The following MTCL3 variants were observed in gnomAD, a reference collection of about 807,000 sequenced individuals.
MTCL3 encodes microtubule cross-linking factor 3.
At chr6:127,509,906 CAT>C in the MTCL3 span, among the ~76,000 whole-genome samples, 1 of 152,290 alleles carries the variant, frequency 6.6e-6, no homozygotes, top group Non-Finnish European at 1.5e-5. Context: ...GATTTCTAAA[CAT>C]ATTGTTAAAC....
At chr6:127,516,015 G>A in the MTCL3 span, 1 of 1,584,226 alleles carries the variant, frequency 6.3e-7, no homozygotes. Flanking sequence ...GAGCGCGTAC[G>A]CCTTTCCCTC....
chr6:127,492,438 A>C, the MTCL3 span, among the ~76,000 whole-genome samples: 4 of 152,346 alleles, frequency 2.6e-5, no homozygotes, highest in African/African-American at 9.6e-5. Context: ...AGAGTTGAGA[A>C]GGTTATCAAA....
chr6:127,496,667 C>G, the MTCL3 span, among the ~76,000 whole-genome samples: 1 of 152,148 alleles, frequency 6.6e-6, no homozygotes, highest in Non-Finnish European at 1.5e-5. Context: ...TTGGAAACAA[C>G]CCAAAATTCC....
the MTCL3 span, among the ~76,000 whole-genome samples, chr6:127,511,631 C>T: frequency 6.6e-6 from 1 of 152,190 alleles, no homozygotes; most frequent in Non-Finnish European, 1.5e-5. Context: ...ATAGATCACA[C>T]AGCTCCCAGT....
At chr6:127,515,496 T>C in the MTCL3 span, 1 of 1,406,800 alleles carries the variant, frequency 7.1e-7, no homozygotes, top group Non-Finnish European at 9.2e-7. The surrounding 1 kb of genome is among the most constrained non-coding windows in gnomAD (Gnocchi z 4.3). Flanking sequence ...CCCAGCCGGG[T>C]CCCCCCACCC....
the MTCL3 span, chr6:127,516,601 G>C: frequency 6.3e-7 from 1 of 1,596,674 alleles, no homozygotes. Flanking sequence ...GCCCCCGATT[G>C]GTGGCTGACT....
At chr6:127,498,831 T>A in the MTCL3 span, among the ~76,000 whole-genome samples, 2 of 152,152 alleles carry the variant, frequency 1.3e-5, no homozygotes, top group Non-Finnish European at 2.9e-5. Context: ...AGGTTACATA[T>A]TTTATTATTG....
chr6:127,491,510 A>T, the MTCL3 span, among the ~76,000 whole-genome samples: 1 of 152,324 alleles, frequency 6.6e-6, no homozygotes, highest in Middle Eastern at 3.4e-3. Flanking sequence ...CTTTTTTTAG[A>T]TACCATGTTA....
the MTCL3 span, chr6:127,476,288 G>A: frequency 1.2e-6 from 2 of 1,614,170 alleles, no homozygotes; most frequent in Non-Finnish European, 1.7e-6. The surrounding 1 kb of genome is among the most constrained non-coding windows in gnomAD (Gnocchi z 4.4). Context: ...CTAGTGCTGG[G>A]AGGGCCTCCG....
chr6:127,474,468 G>A, the MTCL3 span, among the ~76,000 whole-genome samples: 2 of 152,014 alleles, frequency 1.3e-5, no homozygotes, highest in Admixed American at 1.3e-4. Context: ...TAGTATACAC[G>A]GGTTTCGCCA....
the MTCL3 span, chr6:127,516,637 A>G: frequency 3.8e-6 from 6 of 1,589,214 alleles, no homozygotes; most frequent in South Asian, 5.6e-5. Flanking sequence ...ACCAGATGCG[A>G]TTTGGAAGAG....
chr6:127,515,457 T>C, the MTCL3 span: 1 of 1,391,894 alleles, frequency 7.2e-7, no homozygotes, highest in Non-Finnish European at 9.4e-7. This position sits in a 1 kb window ranked among gnomAD's most constrained non-coding sequence, Gnocchi z 4.3. Flanking sequence ...GTACACGCCC[T>C]AATCCTCCCA....
At chr6:127,491,438 T>G in the MTCL3 span, among the ~76,000 whole-genome samples, 4 of 152,230 alleles carry the variant, frequency 2.6e-5, no homozygotes, top group African/African-American at 9.6e-5. Flanking sequence ...GATGACTTGT[T>G]GAAGGCTAAG....
chr6:127,516,596 C>G, the MTCL3 span: 3 of 1,596,656 alleles, frequency 1.9e-6, no homozygotes, highest in Non-Finnish European at 2.5e-6. Flanking sequence ...GCAGCGCCCC[C>G]GATTGGTGGC....
chr6:127,475,650 G>T, the MTCL3 span: 2 of 1,594,660 alleles, frequency 1.3e-6, no homozygotes, highest in Non-Finnish European at 1.7e-6. This position sits in a 1 kb window ranked among gnomAD's most constrained non-coding sequence, Gnocchi z 7.3. Flanking sequence ...GAGTGGGCGT[G>T]AGGCAGCGGA....
chr6:127,474,925 A>G, the MTCL3 span, among the ~76,000 whole-genome samples: 2 of 152,178 alleles, frequency 1.3e-5, no homozygotes, highest in Non-Finnish European at 2.9e-5. Context: ...CCTATCCAGG[A>G]CCATCTTGCA....
At chr6:127,506,986 T>C in the MTCL3 span, among the ~76,000 whole-genome samples, 33 of 152,308 alleles carry the variant, frequency 2.2e-4, no homozygotes, top group Admixed American at 1.6e-3. Flanking sequence ...CATGGATAAA[T>C]TGCTAATCTC....
At chr6:127,494,226 A>T in the MTCL3 span, among the ~76,000 whole-genome samples, 1 of 152,194 alleles carries the variant, frequency 6.6e-6, no homozygotes, top group African/African-American at 2.4e-5. Flanking sequence ...AGTGGCATTA[A>T]ACTTAAAATG....
the MTCL3 span, among the ~76,000 whole-genome samples, chr6:127,498,376 A>G: frequency 2.6e-5 from 4 of 152,194 alleles, no homozygotes; most frequent in African/African-American, 4.8e-5. Flanking sequence ...GAAAACCACA[A>G]TGATGTATCA....
Sources: allele counts gnomAD v4.1 joint callset (sites outside exome capture counted in the v4.1 genomes callset), GRCh38; gene constraint gnomAD v4.1.1; non-coding constraint Gnocchi (gnomAD v3.1); transcripts MANE v1.5; gene names NCBI Gene and HGNC (gene_info 2026-07-23, HGNC 2026-07-21).